The following BUB1B variants were observed in gnomAD, a reference collection of about 807,000 sequenced individuals.
BUB1B encodes the protein BUB1 mitotic checkpoint serine/threonine kinase B.
BUB1B carries 86 observed loss-of-function variants against 137.7 expected under a neutral mutation model. The observed-to-expected ratio is 0.62, with a 90% CI of 0.52 to 0.75. BUB1B has a LOEUF of 0.75. Ranked by LOEUF, BUB1B falls within the 30% of genes least tolerant of loss-of-function variation. BUB1B has a pLI of 0.00. For missense variants in BUB1B, 1,130 were observed against 1,236.9 expected (o/e 0.91, Z 1.30); for synonymous variants, 420 against 417.9 (o/e 1.00, Z -0.06).
chr15:40,181,155 G>A (rs1414841089), intron 5 of BUB1B, among the ~76,000 whole-genome samples: 1 of 149,074 alleles, frequency 6.7e-6, no homozygotes, highest in East Asian at 2.0e-4. Flanking sequence ...GCAGTGGCAC[G>A]ATCTCAGCTC....
In BUB1B at chr15:40,161,227, G is replaced by A. The variant is rs752991610; in HGVS notation, c.7G>A (p.Ala3Thr). The A allele has an allele frequency of 6.2e-7, 1 of 1,613,534 alleles. No individual in the cohort carries two copies. The highest frequency in any genetic ancestry group is 1.1e-5 in the South Asian group (1 of 90,908). MAAVKKEGGALSE... is the reference protein window; with the variant it reads MATVKKEGGALSE... ...CCTGAGCCAGGAATGCAGGATGGCGGCGGTGAAGAAGGAAGGGGGTGCTCT... is the reference window on the plus strand; with the variant it reads ...CCTGAGCCAGGAATGCAGGATGGCGACGGTGAAGAAGGAAGGGGGTGCTCT... Residue 3 changes from alanine to threonine, a missense_variant, in exon 1 of 23, where the codon GCG (alanine) becomes ACG (threonine). Coordinates refer to ENST00000287598, the MANE Select transcript of BUB1B (RefSeq NM_001211.6).
At chr15:40,218,247 C>T (rs2037828456) in intron 21 of BUB1B, among the ~76,000 whole-genome samples, 1 of 152,182 alleles carries the variant, frequency 6.6e-6, no homozygotes, top group Admixed American at 6.5e-5. Context: ...ATCTTTTGTT[C>T]TTAAGGATAA....
intron 20 of BUB1B, among the ~76,000 whole-genome samples, chr15:40,215,114 T>G (rs2037759548): frequency 6.6e-6 from 1 of 152,190 alleles, no homozygotes; most frequent in Admixed American, 6.5e-5. Flanking sequence ...GGCATTGCTT[T>G]TTACTTTGTC....
At chr15:40,205,598 T>C (rs2037627542) in intron 14 of BUB1B, among the ~76,000 whole-genome samples, 1 of 152,198 alleles carries the variant, frequency 6.6e-6, no homozygotes, top group African/African-American at 2.4e-5. Flanking sequence ...CAGAATAACC[T>C]GAAAGTTGGT....
Position 40,176,977 on chromosome 15 carries a change from C to G in BUB1B, c.581+304C>G, listed in dbSNP as rs1174141614. On this transcript the variant is annotated intron_variant, in intron 5 of 22. Coordinates refer to ENST00000287598, the MANE Select transcript of BUB1B (RefSeq NM_001211.6). Reference sequence around the variant, plus strand: ...ACCTATGCTGAACCCAAACCCCTGGCAAACACTGATTTATTCTCCAGCCTG... The same window carrying G: ...ACCTATGCTGAACCCAAACCCCTGGGAAACACTGATTTATTCTCCAGCCTG... Among the ~76,000 whole-genome samples the G allele has an allele frequency of 2.0e-5, 3 of 152,140 alleles. No homozygotes were observed. In the East Asian group the frequency reaches 5.8e-4, roughly 29 times the overall value.
chr15:40,174,856 C>T (rs1385515200), intron 4 of BUB1B, among the ~76,000 whole-genome samples: 2 of 152,018 alleles, frequency 1.3e-5, no homozygotes, highest in African/African-American at 2.4e-5. Flanking sequence ...CCCAGCTACT[C>T]GGGAGGCTGA....
intron 8 of BUB1B, among the ~76,000 whole-genome samples, chr15:40,190,234 GA>G (rs1290251190): frequency 2.0e-5 from 3 of 152,264 alleles, no homozygotes; most frequent in African/African-American, 7.2e-5. Context: ...CAATTTCACT[GA>G]TAGAAGATTC....
chr15:40,180,251 CTTT>C (rs34300396), intron 5 of BUB1B, among the ~76,000 whole-genome samples: 1 of 90,502 alleles, frequency 1.1e-5, no homozygotes. Flanking sequence ...CGTTTCGTTT[CTTT>C]TTTTTTTTTT....
At chr15:40,205,861 TAGG>T (rs1785082585) in intron 14 of BUB1B, among the ~76,000 whole-genome samples, 1 of 152,154 alleles carries the variant, frequency 6.6e-6, no homozygotes, top group African/African-American at 2.4e-5. Context: ...ACCTAAAAAC[TAGG>T]AGGATAGCAA....
At chr15:40,213,521 A>C (rs1005208455) in intron 20 of BUB1B, 47 bp downstream of exon 20, 1 of 1,608,196 alleles carries the variant, frequency 6.2e-7, no homozygotes, top group Non-Finnish European at 8.5e-7. Flanking sequence ...CTCTTAAAAC[A>C]TGGATAGTTG....
chr15:40,167,408 TCTCAGCTCACTGCAAC>T (rs2037113122), intron 2 of BUB1B, among the ~76,000 whole-genome samples: 1 of 134,884 alleles, frequency 7.4e-6, no homozygotes, highest in African/African-American at 2.8e-5. Flanking sequence ...TGGAGCGCAA[TCTCAGCTCACTGCAAC>T]CTCCGCCTCC....
At chr15:40,213,578 T>A in intron 20 of BUB1B, 104 bp downstream of exon 20, 1 of 1,260,478 alleles carries the variant, frequency 7.9e-7, no homozygotes, top group Non-Finnish European at 1.1e-6. Context: ...CTCTGTCACC[T>A]AGGTTGGAGT....
At chr15:40,180,602 C>G (rs187855417) in intron 5 of BUB1B, among the ~76,000 whole-genome samples, 22 of 149,226 alleles carry the variant, frequency 1.5e-4, no homozygotes, top group African/African-American at 5.2e-4. Flanking sequence ...ATGATGTTAT[C>G]CCACTGTCTT....
intron 5 of BUB1B, among the ~76,000 whole-genome samples, chr15:40,182,726 C>T (rs1691429661): frequency 6.6e-6 from 1 of 152,240 alleles, no homozygotes; most frequent in Admixed American, 6.5e-5. Flanking sequence ...TGCAGTTCTC[C>T]TCCCATATTC....
In BUB1B at chr15:40,199,948, G is replaced by C. The variant is rs149578399; in HGVS notation, c.1401+221G>C. The C allele has an allele frequency of 2.1e-4, 126 of 588,700 alleles. 1 individual carries two copies. In the East Asian group the frequency reaches 3.6e-3, roughly 17 times the overall value. 36.5% of individuals were successfully genotyped at this position (588,700 alleles called of 1,614,324 possible). A position where few individuals can be genotyped will look rare whatever the true frequency, so the allele number is the denominator to read the frequency against. On this transcript the variant is annotated intron_variant, in intron 10 of 22. Transcript: ENST00000287598. ...AGTGGTGCAGTTTATTGACTTCTTA[G>C]TTATACTCCAAATCATTATGTTATT...
intron 1 of BUB1B, among the ~76,000 whole-genome samples, chr15:40,162,745 G>T (rs2037054876): frequency 6.6e-6 from 1 of 152,090 alleles, no homozygotes; most frequent in South Asian, 2.1e-4. Flanking sequence ...GGAAGTGGGG[G>T]CAGTCTTAGC....
intron 8 of BUB1B, chr15:40,186,834 A>C (rs1276009280): frequency 6.6e-6 from 1 of 152,072 alleles, no homozygotes; most frequent in East Asian, 1.9e-4. Context: ...GGAATGCAAA[A>C]ATAATAATTA....
rs1446108398 is a variant in BUB1B at position 40,210,359 on chromosome 15, G to T, written c.2385+149G>T. 1.4e-5 allele frequency: 10 copies of T among 708,550 alleles called. No individual in the cohort carries two copies. The East Asian group carries it at 2.8e-4, about 20-fold the overall frequency. The allele number at this position is 708,550 out of a possible 1,614,324, so 43.9% of individuals were successfully genotyped here. On this transcript the variant is annotated intron_variant, in intron 18 of 22. Coordinates refer to ENST00000287598, the MANE Select transcript of BUB1B (RefSeq NM_001211.6). ...ATCCTTTCAGTTTCATTTTTTTTAG[G>T]AAATCTCTGCTGATACTTTCTGGCC...
intron 5 of BUB1B, among the ~76,000 whole-genome samples, chr15:40,182,843 A>C (rs1344564343): frequency 6.6e-6 from 1 of 152,166 alleles, no homozygotes; most frequent in Non-Finnish European, 1.5e-5. Flanking sequence ...ACCACAAGAG[A>C]AAATAGAAGA....
Sources: gnomAD v4.1 joint callset for allele counts (sites outside exome capture counted in the v4.1 genomes callset) on GRCh38, gnomAD v4.1.1 for gene constraint, MANE v1.5 for transcripts, NCBI Gene and HGNC (gene_info 2026-07-23, HGNC 2026-07-21) for gene names.